PCCA: variants seen among roughly 807,000 people sequenced by gnomAD.
PCCA encodes propionyl-CoA carboxylase alpha chain, mitochondrial.
Under a neutral mutation model 101.3 loss-of-function variants are expected in PCCA, and 74 were observed. The ratio of observed to expected loss-of-function variants is 0.73; its 90% CI spans 0.61 to 0.89. PCCA has a LOEUF of 0.89. Among genes scored for constraint, PCCA ranks in the 40% least tolerant of loss-of-function variants. The pLI, the probability that PCCA is intolerant of heterozygous loss-of-function variation, is 0.00. For synonymous variants in PCCA, 294 were observed against 313.6 expected, an observed-to-expected ratio of 0.94 and a Z score of 0.66; for missense variants, 891 against 907.0, an observed-to-expected ratio of 0.98 and a Z score of 0.23.
chr13:100,275,282 T>C (rs2063568490), intron 12 of PCCA, among the ~76,000 whole-genome samples: 1 of 152,154 alleles, frequency 6.6e-6, no homozygotes, highest in African/African-American at 2.4e-5. Context: ...TGGTTAGCCC[T>C]ACCATGGGTG....
rs538999741 is a variant in PCCA at position 100,453,150 on chromosome 13, C to T, written c.1899+3845C>T. Among the ~76,000 whole-genome samples, 16 of 152,188 alleles carry T rather than the reference C, an allele frequency of 1.1e-4. No homozygotes were observed. In the South Asian group the frequency reaches 3.1e-3, roughly 30 times the overall value. ...AGCGAGCCGTGATCACACCACTGCA[C>T]TCCAGCCTGGGTGAGAGTGAGACCC... On this transcript the variant is annotated intron_variant, in intron 21 of 23. Transcript: ENST00000376285.
At chr13:100,240,292 C>T (rs1412283443) in intron 8 of PCCA, among the ~76,000 whole-genome samples, 3 of 152,004 alleles carry the variant, frequency 2.0e-5, no homozygotes, top group Admixed American at 2.0e-4. Flanking sequence ...TTATTGTATA[C>T]TACTCCCTTC....
chr13:100,321,943 T>C (rs2068092872), intron 16 of PCCA, among the ~76,000 whole-genome samples: 1 of 152,150 alleles, frequency 6.6e-6, no homozygotes, highest in African/African-American at 2.4e-5. Context: ...TGTTAAGCTG[T>C]TATCATTGGC....
At chr13:100,517,046 C>CTGT (rs1491478540) in intron 22 of PCCA, among the ~76,000 whole-genome samples, 1 of 132,988 alleles carries the variant, frequency 7.5e-6, no homozygotes, top group Non-Finnish European at 1.6e-5. Flanking sequence ...ATTATAAAAT[C>CTGT]GTGTGTGTGT....
chr13:100,206,743 C>T (rs570594834), intron 6 of PCCA, among the ~76,000 whole-genome samples: 1 of 152,254 alleles, frequency 6.6e-6, no homozygotes, highest in Admixed American at 6.5e-5. Context: ...GGTCTCTGAC[C>T]TTCCCCTTCC....
chr13:100,208,998 A>T (rs1334210415), intron 6 of PCCA, among the ~76,000 whole-genome samples: 1 of 152,178 alleles, frequency 6.6e-6, no homozygotes, highest in Non-Finnish European at 1.5e-5. Flanking sequence ...AGAGATTTAT[A>T]AGGTGTTTAC....
chr13:100,140,066 C>A (rs774669887), intron 4 of PCCA, among the ~76,000 whole-genome samples: 10 of 152,150 alleles, frequency 6.6e-5, no homozygotes, highest in Non-Finnish European at 1.2e-4. Context: ...CATGCCCAAC[C>A]TAGGGATGAG....
At chr13:100,422,135 C>CT (rs1232975466) in intron 19 of PCCA, among the ~76,000 whole-genome samples, 4,191 of 68,776 alleles carry the variant, frequency 0.061, 496 homozygotes, top group African/African-American at 0.23. Context: ...TTCTTTCTTT[C>CT]TTTTTTTTTT....
intron 6 of PCCA, among the ~76,000 whole-genome samples, chr13:100,201,927 C>T (rs899216321): frequency 3.4e-5 from 5 of 145,216 alleles, no homozygotes; most frequent in African/African-American, 1.3e-4. Flanking sequence ...TTGGCCTACA[C>T]ACTAGTTTGC....
At chr13:100,451,702 TC>T (rs1234336918) in intron 21 of PCCA, among the ~76,000 whole-genome samples, 19 of 130,260 alleles carry the variant, frequency 1.5e-4, no homozygotes, top group Non-Finnish European at 1.3e-4. Context: ...CCTCTTCCCC[TC>T]CTCTCCTCTC....
chr13:100,151,865 G>T (rs2053367574), intron 4 of PCCA, among the ~76,000 whole-genome samples: 1 of 151,944 alleles, frequency 6.6e-6, no homozygotes, highest in African/African-American at 2.4e-5. Flanking sequence ...TATATAAAAA[G>T]GAATTTATAT....
chr13:100,141,957 A>G (rs533784670), intron 4 of PCCA, among the ~76,000 whole-genome samples: 6 of 152,208 alleles, frequency 3.9e-5, no homozygotes, highest in Non-Finnish European at 7.3e-5. Context: ...AAAGGCAAGT[A>G]CTGTTTAAAT....
chr13:100,486,454 G>T (rs1215731224), intron 21 of PCCA, among the ~76,000 whole-genome samples: 1 of 152,216 alleles, frequency 6.6e-6, no homozygotes, highest in African/African-American at 2.4e-5. Flanking sequence ...TAGGAGTTTA[G>T]TTAAAGAAGT....
intron 16 of PCCA, among the ~76,000 whole-genome samples, chr13:100,327,319 C>T (rs2068805811): frequency 6.6e-6 from 1 of 152,048 alleles, no homozygotes; most frequent in Admixed American, 6.6e-5. Context: ...TGGAATTATA[C>T]ATTATTATGC....
chr13:100,503,494 C>A (rs1006726262), intron 21 of PCCA, among the ~76,000 whole-genome samples: 3 of 151,460 alleles, frequency 2.0e-5, no homozygotes, highest in East Asian at 1.9e-4. Context: ...CCATCCCCCC[C>A]CAAAAAAGAA....
intron 4 of PCCA, among the ~76,000 whole-genome samples, chr13:100,146,931 G>C (rs1209438623): frequency 4.6e-5 from 7 of 151,440 alleles, no homozygotes; most frequent in African/African-American, 1.7e-4. Context: ...CCAATACTAG[G>C]AGAATGGTTA....
chr13:100,454,104 C>T (rs971284009), intron 21 of PCCA, among the ~76,000 whole-genome samples: 22 of 152,028 alleles, frequency 1.4e-4, no homozygotes, highest in African/African-American at 5.1e-4. Flanking sequence ...ATCTCCTGAC[C>T]TCATCATGAT....
chr13:100,174,158 A>G (rs1318664940), intron 6 of PCCA, among the ~76,000 whole-genome samples: 1 of 152,032 alleles, frequency 6.6e-6, no homozygotes, highest in Non-Finnish European at 1.5e-5. Flanking sequence ...CATTATTTCT[A>G]ATTTATAGAT....
At chr13:100,332,177 A>G (rs553082170) in intron 17 of PCCA, among the ~76,000 whole-genome samples, 1 of 152,218 alleles carries the variant, frequency 6.6e-6, no homozygotes, top group South Asian at 2.1e-4. Flanking sequence ...TGACCTCGTG[A>G]TCTGCCCGCC....
Sources: allele counts gnomAD v4.1 joint callset (sites outside exome capture counted in the v4.1 genomes callset), GRCh38; gene constraint gnomAD v4.1.1; transcripts MANE v1.5; gene names NCBI Gene and HGNC (gene_info 2026-07-23, HGNC 2026-07-21).